Variants in NLRP12 observed in about 807,000 individuals in gnomAD.
NLRP12 encodes NLR family pyrin domain containing 12.
A neutral mutation model predicts 91.2 loss-of-function variants in NLRP12; 108 were observed. The observed-to-expected ratio is 1.18, with a 90% CI of 1.01 to 1.39. The LOEUF is 1.39. NLRP12 is among the 40% of genes most tolerant of loss of function. The pLI, the probability that NLRP12 is intolerant of heterozygous loss-of-function variation, is 0.00. For missense variants in NLRP12, 1,530 were observed against 1,352.7 expected, an observed-to-expected ratio of 1.13 and a Z score of -2.06; for synonymous variants, 613 against 566.7, an observed-to-expected ratio of 1.08 and a Z score of -1.16.
chr19:53,793,634 G>C (rs957075372), downstream of NLRP12: 5 of 229,686 alleles, frequency 2.2e-5, no homozygotes, highest in African/African-American at 4.6e-5. Flanking sequence ...GCCCAGGCTG[G>C]AGTGCAGTGG....
intron 7 of NLRP12, among the ~76,000 whole-genome samples, chr19:53,800,951 T>G (rs1410264143): frequency 6.6e-6 from 1 of 152,054 alleles, no homozygotes. Context: ...TCCCAGCACT[T>G]TGGGAGGCCA....
chr19:53,800,211 A>G (rs2091844206), intron 7 of NLRP12, among the ~76,000 whole-genome samples: 1 of 152,024 alleles, frequency 6.6e-6, no homozygotes, highest in Non-Finnish European at 1.5e-5. Context: ...AGGCTGAGGC[A>G]GGAGAATGGT....
chr19:53,799,483 A>G (rs1241568339), intron 7 of NLRP12, among the ~76,000 whole-genome samples: 1 of 148,850 alleles, frequency 6.7e-6, no homozygotes, highest in Non-Finnish European at 1.5e-5. Flanking sequence ...CAAATTACAA[A>G]TTTTTCTTTT....
At chr19:53,806,292 A>C (rs2091956818) in intron 4 of NLRP12, among the ~76,000 whole-genome samples, 1 of 152,024 alleles carries the variant, frequency 6.6e-6, no homozygotes, top group Admixed American at 6.6e-5. Context: ...TAATCTCAAC[A>C]GTTAGGGAGG....
rs934145048 is a variant in NLRP12 at position 53,805,534 on chromosome 19, T to TC, written c.2244-85_2244-84insG. 4.0e-6 allele frequency: 6 copies of TC among 1,499,986 alleles called. No homozygotes were observed. The Admixed American group carries it at 7.6e-5, about 19-fold the overall frequency. 92.9% of individuals were successfully genotyped at this position (1,499,986 alleles called of 1,614,324 possible). On this transcript the variant is annotated intron_variant, in intron 4 of 9. Transcript: ENST00000324134. The stretch of plus-strand genomic sequence containing the variant: ...TATTTTCTTTTGCTTTTTTTTTTTT[T>TC]TCTGAGACAGAGTCGCTCTGTCACC...
rs368366330 is a variant in NLRP12 at position 53,810,324 on chromosome 19, G to C, written c.1335C>G (p.Pro445=). The change falls in exon 3 of 10, where the codon CCC becomes CCG. Residue 445 remains proline (P), a synonymous_variant. Coordinates refer to ENST00000324134, the MANE Select transcript of NLRP12 (RefSeq NM_144687.4). Reference sequence around the variant, plus strand: ...GCTGGAGGCGCGGGGCCCCCGGCTTGGGTTGCATCAGACTCAGCAGGTAGA... The same window carrying C: ...GCTGGAGGCGCGGGGCCCCCGGCTTCGGTTGCATCAGACTCAGCAGGTAGA... The part of the protein sequence containing the change: ...YMLYLLSLMQ[P]KPGAPRLQPP... The C allele has an allele frequency of 1.9e-6, 3 of 1,613,526 alleles. No homozygotes were observed. The African/African-American group carries it at 4.0e-5, about 22-fold the overall frequency.
At chr19:53,800,552 C>T (rs544700739) in intron 7 of NLRP12, among the ~76,000 whole-genome samples, 3 of 151,358 alleles carry the variant, frequency 2.0e-5, no homozygotes, top group Admixed American at 6.6e-5. Context: ...ATAAGAATTG[C>T]TTGTGCAAAG....
intron 4 of NLRP12, among the ~76,000 whole-genome samples, chr19:53,806,734 T>G (rs975004215): frequency 3.4e-5 from 5 of 145,442 alleles, no homozygotes; most frequent in African/African-American, 5.1e-5. Flanking sequence ...TGCACATGCT[T>G]GTTTTCCCAG....
Position 53,796,044 on chromosome 19 carries a change from G to A in NLRP12, c.2928-15C>T, listed in dbSNP as rs766552987. On this transcript the variant is annotated splice_polypyrimidine_tract_variant and intron_variant, in intron 8 of 9. Transcript: ENST00000324134. The stretch of plus-strand genomic sequence containing the variant: ...AGCTATCCAGCCTGGTGAAGATAAG[G>A]AGTTGGTTAAGGTAACACCAGGGGC... 1 of 1,613,760 alleles carries A rather than the reference G, an allele frequency of 6.2e-7. No individual in the cohort carries two copies. Among genetic ancestry groups the A allele is most frequent in the Non-Finnish European group, 8.5e-7 (1 of 1,179,722 alleles).
intron 3 of NLRP12, 45 bp downstream of exon 3, chr19:53,809,542 C>CGAA: frequency 1.1e-6 from 1 of 944,846 alleles, no homozygotes; most frequent in Non-Finnish European, 1.5e-6. Context: ...AAAAAAAAAA[C>CGAA]ACACGAACCT....
intron 3 of NLRP12, 45 bp downstream of exon 3, chr19:53,809,537 AAAAAC>A: frequency 1.4e-6 from 2 of 1,468,572 alleles, no homozygotes; most frequent in Non-Finnish European, 1.8e-6. Flanking sequence ...AAAAAAAAAA[AAAAAC>A]ACACGAACCT....
At chr19:53,796,763 G>T (rs533780352) in intron 8 of NLRP12, among the ~76,000 whole-genome samples, 8 of 151,894 alleles carry the variant, frequency 5.3e-5, no homozygotes, top group African/African-American at 1.9e-4. Context: ...TTGGGAGGCC[G>T]AGGCAGGCAG....
At position 53,805,353 on chromosome 19, in the gene NLRP12, C is replaced by T. The variant is rs376676387; in HGVS notation, c.2341G>A (p.Gly781Ser). The T allele has an allele frequency of 7.4e-6, 12 of 1,613,944 alleles. No individual in the cohort carries two copies. Among genetic ancestry groups the T allele is most frequent in the African/African-American group, 2.7e-5 (2 of 74,904 alleles). ...NLTRMDLSGN[G>S]VGFPGMMLLC... Reference sequence around the variant, plus strand: ...AGCATCATGCCTGGGAATCCAACGCCGTTGCCACTGAGATCCATCCTTGTC... The same window carrying T: ...AGCATCATGCCTGGGAATCCAACGCTGTTGCCACTGAGATCCATCCTTGTC... Residue 781 changes from glycine (G) to serine (S), a missense_variant, in exon 5 of 10, where the codon GGC becomes AGC. By Grantham distance (56) the Gly-to-Ser change is moderately conservative. Coordinates refer to ENST00000324134, the MANE Select transcript of NLRP12 (RefSeq NM_144687.4).
At chr19:53,811,599 A>C (rs1040264973) in intron 2 of NLRP12, among the ~76,000 whole-genome samples, 25 of 148,974 alleles carry the variant, frequency 1.7e-4, no homozygotes, top group African/African-American at 5.9e-4. Context: ...TTTTAGATGG[A>C]GTCTCGCTCT....
At chr19:53,821,942 G>A (rs1468513264) in intron 1 of NLRP12, among the ~76,000 whole-genome samples, 2 of 152,120 alleles carry the variant, frequency 1.3e-5, no homozygotes, top group African/African-American at 4.8e-5. Context: ...ACAAAATCAT[G>A]TTCTTTGCAG....
At chr19:53,823,314 A>G (rs1313675378) in intron 1 of NLRP12, among the ~76,000 whole-genome samples, 2 of 137,002 alleles carry the variant, frequency 1.5e-5, no homozygotes, top group Non-Finnish European at 3.1e-5. Context: ...GTATATTTAT[A>G]TAATAAATAT....
At chr19:53,808,329 C>T (rs2091996167) in intron 3 of NLRP12, 1 of 170,164 alleles carries the variant, frequency 5.9e-6, no homozygotes, top group African/African-American at 2.4e-5. Context: ...TTGTTTCCCT[C>T]TTTATTATCT....
rs138718054 is a variant in NLRP12, at chr19:53,811,351, G to A, written c.371-63C>T. On this transcript the variant is annotated intron_variant, in intron 2 of 9. Transcript: ENST00000324134. Reference sequence around the variant, plus strand: ...CAGCAGCCTCTAATGAGTTCACGAGGTAAAGCGCTCCTCATGTGGCTCAAA... The same window carrying A: ...CAGCAGCCTCTAATGAGTTCACGAGATAAAGCGCTCCTCATGTGGCTCAAA... 9,670 of 1,582,784 alleles carry A rather than the reference G, an allele frequency of 6.1e-3. 304 individuals carry two copies. The South Asian group carries it at 0.069, about 11-fold the overall frequency.
At chr19:53,813,804 C>G (rs1395184713) in intron 2 of NLRP12, among the ~76,000 whole-genome samples, 1 of 152,036 alleles carries the variant, frequency 6.6e-6, no homozygotes, top group African/African-American at 2.4e-5. Flanking sequence ...CCTCCCACCT[C>G]AGCCTCCTGA....
Sources: gnomAD v4.1 joint callset for allele counts (sites outside exome capture counted in the v4.1 genomes callset) on GRCh38, gnomAD v4.1.1 for gene constraint, MANE v1.5 for transcripts, NCBI Gene and HGNC (gene_info 2026-07-23, HGNC 2026-07-21) for gene names.